Variants in NBAS observed in about 807,000 individuals in gnomAD.
The protein encoded by NBAS is NBAS subunit of NRZ tethering complex, also known as NAG/BC035112 fusion.
A neutral mutation model predicts 302.5 loss-of-function variants in NBAS; 219 were observed. The ratio of observed to expected loss-of-function variants is 0.72; its 90% CI spans 0.65 to 0.81. The LOEUF (loss-of-function observed/expected upper bound fraction) is 0.81, where lower values mean the gene tolerates loss of function less well. Among genes scored for constraint, NBAS ranks in the 30% least tolerant of loss-of-function variants. The pLI, the probability that NBAS is intolerant of heterozygous loss-of-function variation, is 0.00. For synonymous variants in NBAS, 1,118 were observed against 1,021.6 expected, an observed-to-expected ratio of 1.09 and a Z score of -1.80; for missense variants, 2,932 against 2,841.6, an observed-to-expected ratio of 1.03 and a Z score of -0.72.
At chr2:15,147,960 G>A in the NBAS span, among the ~76,000 whole-genome samples, 5 of 152,038 alleles carry the variant, frequency 3.3e-5, no homozygotes, top group African/African-American at 9.7e-5. Context: ...CGTTCAACTG[G>A]AGAACTGAGA....
chr2:14,920,879 C>T, the NBAS span, among the ~76,000 whole-genome samples: 1 of 151,810 alleles, frequency 6.6e-6, no homozygotes, highest in Non-Finnish European at 1.5e-5. Context: ...AAATTTTCTC[C>T]ATATCAGCAA....
At chr2:15,416,085 C>CAGAGAGAG (rs142747790) in intron 24 of NBAS, among the ~76,000 whole-genome samples, 13 of 147,834 alleles carry the variant, frequency 8.8e-5, no homozygotes, top group East Asian at 7.9e-4. Context: ...TACGCAAAAA[C>CAGAGAGAG]AGAGAGAGAG....
At chr2:15,475,190 T>C (rs907749881) in intron 14 of NBAS, among the ~76,000 whole-genome samples, 7 of 152,212 alleles carry the variant, frequency 4.6e-5, no homozygotes, top group Non-Finnish European at 5.9e-5. Context: ...TCAATCTGCA[T>C]TGCTGAAGTG....
At chr2:15,442,251 T>G (rs1042348669) in intron 21 of NBAS, among the ~76,000 whole-genome samples, 1 of 74,378 alleles carries the variant, frequency 1.3e-5, no homozygotes. Context: ...GACCACATAG[T>G]TGGAAGCATT....
In NBAS at chr2:15,259,795, C is replaced by T. The variant is rs180863214; in HGVS notation, c.5724+15689G>A. Among the ~76,000 whole-genome samples, 1,404 of 152,312 alleles carry T rather than the reference C, an allele frequency of 9.2e-3. 7 individuals carry two copies. Among genetic ancestry groups the T allele is most frequent in the Middle Eastern group, 0.02 (6 of 294 alleles). On this transcript the variant is annotated intron_variant, in intron 44 of 51. Coordinates refer to ENST00000281513, the MANE Select transcript of NBAS (RefSeq NM_015909.4). ...TACATGGACCAAACCTCCCTTAACG[C>T]CCCTTGTGCCTTTCCTTTCACACAC...
intron 26 of NBAS, among the ~76,000 whole-genome samples, chr2:15,401,069 C>G (rs905149537): frequency 1.3e-5 from 2 of 151,996 alleles, no homozygotes; most frequent in African/African-American, 2.4e-5. Context: ...GTCAGGCTGT[C>G]TGACTGTAAG....
chr2:14,914,743 G>A, the NBAS span, among the ~76,000 whole-genome samples: 3 of 152,192 alleles, frequency 2.0e-5, no homozygotes, highest in Non-Finnish European at 4.4e-5. Flanking sequence ...TTCTGGTTTG[G>A]GGGAAAGCCT....
In NBAS at chr2:15,186,794, AC is replaced by A; in HGVS notation, c.6658del (p.Val2220PhefsTer2). On this transcript the variant is annotated frameshift_variant, in exon 50 of 52. Coordinates refer to ENST00000281513, the MANE Select transcript of NBAS (RefSeq NM_015909.4). LOFTEE classifies it high-confidence loss of function. ...MENKEGLGNE[V>X]LKMCRSLYNT... Reference sequence around the variant, plus strand: ...ATACAAAGAGCGACACATTTTCAAAACTTCATTCCCCAATCCTTCCTTGTTC... The same window carrying A: ...ATACAAAGAGCGACACATTTTCAAAATTCATTCCCCAATCCTTCCTTGTTC... 6.2e-7 allele frequency: 1 copy of A among 1,613,734 alleles called. No homozygotes were observed. The highest frequency in any genetic ancestry group is 1.1e-5 in the South Asian group (1 of 91,062).
At chr2:15,024,087 A>T in the NBAS span, among the ~76,000 whole-genome samples, 1 of 151,938 alleles carries the variant, frequency 6.6e-6, no homozygotes, top group African/African-American at 2.4e-5. Flanking sequence ...CATAGTACCC[A>T]AGGGTTTTGT....
At chr2:15,349,999 G>A (rs1474263543) in intron 35 of NBAS, among the ~76,000 whole-genome samples, 1 of 151,780 alleles carries the variant, frequency 6.6e-6, no homozygotes, top group Admixed American at 6.6e-5. Flanking sequence ...ATTCCATAGG[G>A]GCAAAAAGTA....
chr2:14,815,245 A>C, the NBAS span, among the ~76,000 whole-genome samples: 5 of 152,232 alleles, frequency 3.3e-5, no homozygotes, highest in African/African-American at 9.6e-5. Context: ...TAGGGCATGC[A>C]CATCAACTCC....
chr2:15,207,706 T>A (rs1451545195), intron 48 of NBAS, among the ~76,000 whole-genome samples: 2 of 152,188 alleles, frequency 1.3e-5, no homozygotes, highest in African/African-American at 2.4e-5. Context: ...TGTCTGGTGC[T>A]TCCCCCCTTC....
chr2:14,920,213 A>T, the NBAS span, among the ~76,000 whole-genome samples: 1 of 152,328 alleles, frequency 6.6e-6, no homozygotes, highest in South Asian at 2.1e-4. Context: ...TTGGGTGTCT[A>T]GGTACATTGT....
chr2:14,860,766 G>A, the NBAS span, among the ~76,000 whole-genome samples: 1 of 152,104 alleles, frequency 6.6e-6, no homozygotes, highest in African/African-American at 2.4e-5. Context: ...AAGACGTGGT[G>A]TTTGATAGAT....
chr2:15,385,881 A>G (rs1675266265), intron 28 of NBAS, among the ~76,000 whole-genome samples: 1 of 152,130 alleles, frequency 6.6e-6, no homozygotes, highest in South Asian at 2.1e-4. Context: ...GTATTTAGGG[A>G]ACTAATTTGG....
At chr2:15,558,677 T>G in intron 1 of NBAS, 43 bp from the exon 2 acceptor site, 1 of 1,422,936 alleles carries the variant, frequency 7.0e-7, no homozygotes, top group Non-Finnish European at 9.9e-7. Flanking sequence ...AATCTTCTAG[T>G]AGTATTAGAC....
chr2:15,240,001 T>G (rs868653895), intron 44 of NBAS, among the ~76,000 whole-genome samples: 9 of 152,204 alleles, frequency 5.9e-5, no homozygotes, highest in African/African-American at 2.2e-4. Context: ...TGAGAGATCC[T>G]AGCGCCTTCT....
At chr2:14,848,248 A>T in the NBAS span, among the ~76,000 whole-genome samples, 1 of 151,016 alleles carries the variant, frequency 6.6e-6, no homozygotes, top group South Asian at 2.1e-4. Flanking sequence ...AAGCAGGGCG[A>T]GGCATTGCCT....
At chr2:15,507,628 T>C (rs562966914) in intron 10 of NBAS, among the ~76,000 whole-genome samples, 1 of 152,328 alleles carries the variant, frequency 6.6e-6, no homozygotes, top group South Asian at 2.1e-4. Context: ...AACACCAGCC[T>C]TCTGACTCCA....
Sources: allele counts gnomAD v4.1 joint callset (sites outside exome capture counted in the v4.1 genomes callset), GRCh38; gene constraint gnomAD v4.1.1; transcripts MANE v1.5; gene names NCBI Gene and HGNC (gene_info 2026-07-23, HGNC 2026-07-21).